The following ZNF609 variants were observed in gnomAD, a reference collection of about 807,000 sequenced individuals.
ZNF609 encodes zinc finger protein 609.
Under a neutral mutation model 109.5 loss-of-function variants are expected in ZNF609, and 11 were observed. The ratio of observed to expected loss-of-function variants is 0.10; its 90% CI spans 0.06 to 0.17. ZNF609 has a LOEUF of 0.17. Ranked by LOEUF, ZNF609 falls within the 10% of genes least tolerant of loss-of-function variation. ZNF609 has a pLI of 1.00. For synonymous variants in ZNF609, 646 were observed against 662.0 expected, an observed-to-expected ratio of 0.98 and a Z score of 0.37; for missense variants, 1,559 against 1,772.4, an observed-to-expected ratio of 0.88 and a Z score of 2.16.
intron 2 of ZNF609, among the ~76,000 whole-genome samples, chr15:64,567,120 A>G (rs1894788338): frequency 6.6e-6 from 1 of 152,202 alleles, no homozygotes; most frequent in African/African-American, 2.4e-5. Flanking sequence ...CAGACTTTAA[A>G]TACTTTAAAA....
intron 3 of ZNF609, among the ~76,000 whole-genome samples, chr15:64,659,516 A>C (rs183462093): frequency 3.0e-4 from 46 of 152,342 alleles, no homozygotes; most frequent in Non-Finnish European, 4.4e-4. Context: ...AGACTACTGC[A>C]GAAGGCAGAC....
At chr15:64,634,693 G>A (rs1896145906) in intron 3 of ZNF609, among the ~76,000 whole-genome samples, 1 of 152,132 alleles carries the variant, frequency 6.6e-6, no homozygotes, top group African/African-American at 2.4e-5. Context: ...TAACAACCAA[G>A]CTTTCTCCAC....
Position 64,683,294 on chromosome 15 carries a change from C to T in ZNF609, c.*1608C>T, listed in dbSNP as rs1192235895. 6.6e-6 allele frequency: 1 copy of T among 152,616 alleles called. No homozygotes were observed. The highest frequency in any genetic ancestry group is 2.4e-5 in the African/African-American group (1 of 41,430). 9.5% of individuals were successfully genotyped at this position (152,616 alleles called of 1,614,324 possible). ...TGCCAAAAGTGACTAGGAGCAGGAA[C>T]TTGGCTCCGACTCAGTTTGGAAAAT... On this transcript the variant is annotated 3_prime_UTR_variant, in exon 10 of 10. Transcript: ENST00000326648.
At chr15:64,586,770 A>G (rs1025790199) in intron 2 of ZNF609, among the ~76,000 whole-genome samples, 1 of 152,324 alleles carries the variant, frequency 6.6e-6, no homozygotes, top group Admixed American at 6.5e-5. Context: ...CAGTATTGGA[A>G]CAGAGTTAAA....
intron 2 of ZNF609, among the ~76,000 whole-genome samples, chr15:64,615,744 C>T (rs764674717): frequency 2.6e-5 from 4 of 152,308 alleles, no homozygotes; most frequent in East Asian, 1.9e-4. Context: ...GCCTCGGCCT[C>T]TTAAAGTGCT....
At chr15:64,576,891 A>T (rs1289373357) in intron 2 of ZNF609, among the ~76,000 whole-genome samples, 2 of 140,980 alleles carry the variant, frequency 1.4e-5, no homozygotes, top group East Asian at 2.0e-4. Flanking sequence ...TACACATATA[A>T]ATATATACAT....
intron 2 of ZNF609, among the ~76,000 whole-genome samples, chr15:64,617,278 TC>T (rs1280123172): frequency 2.0e-5 from 3 of 149,850 alleles, no homozygotes; most frequent in African/African-American, 7.4e-5. Flanking sequence ...CATTTCAGCC[TC>T]CCAAAGTGCT....
At chr15:64,546,749 CAGGCATG>C (rs1894369132) in intron 2 of ZNF609, among the ~76,000 whole-genome samples, 1 of 151,130 alleles carries the variant, frequency 6.6e-6, no homozygotes, top group African/African-American at 2.4e-5. Flanking sequence ...GCTGGGATTA[CAGGCATG>C]AGCCACAACA....
intron 3 of ZNF609, among the ~76,000 whole-genome samples, chr15:64,627,663 CTT>C (rs35293725): frequency 3.5e-5 from 3 of 86,014 alleles, no homozygotes; most frequent in East Asian, 7.9e-4. Flanking sequence ...TTTTTTCTTT[CTT>C]TTTTTTTTTT....
At chr15:64,561,456 C>G (rs1352119194) in intron 2 of ZNF609, among the ~76,000 whole-genome samples, 3 of 93,058 alleles carry the variant, frequency 3.2e-5, no homozygotes, top group Non-Finnish European at 5.7e-5. Flanking sequence ...GATTTGATTA[C>G]TCTTAAGACC....
rs553228025 is a variant in ZNF609 at position 64,643,341 on chromosome 15, G to C, written c.973+20289G>C. 2.2e-4 allele frequency among the ~76,000 whole-genome samples: 34 copies of C among 152,252 alleles called. No homozygotes were observed. The South Asian group carries it at 3.7e-3, about 17-fold the overall frequency. On this transcript the variant is annotated intron_variant, in intron 3 of 9. Transcript: ENST00000326648. ...GTTTCTCCACCTCAACCTCTAAAGA[G>C]AACTAGAAAACTGGAGTGGGAAAAC...
chr15:64,656,295 C>G (rs890737108), intron 3 of ZNF609, among the ~76,000 whole-genome samples: 3 of 152,184 alleles, frequency 2.0e-5, no homozygotes, highest in African/African-American at 7.2e-5. Flanking sequence ...AACTCCTGAC[C>G]TCAAGTGATC....
At chr15:64,606,887 T>C (rs981275690) in intron 2 of ZNF609, among the ~76,000 whole-genome samples, 8 of 152,158 alleles carry the variant, frequency 5.3e-5, no homozygotes, top group Admixed American at 6.5e-5. Flanking sequence ...CTCATGCCTG[T>C]AATCCCAGCA....
At chr15:64,537,552 AAAAAAAG>A (rs928372389) in intron 2 of ZNF609, among the ~76,000 whole-genome samples, 4 of 151,914 alleles carry the variant, frequency 2.6e-5, no homozygotes, top group African/African-American at 4.8e-5. Flanking sequence ...GACTCCATCA[AAAAAAAG>A]AAAAAAGAAA....
chr15:64,576,041 G>T (rs906126327), intron 2 of ZNF609, among the ~76,000 whole-genome samples: 1 of 152,206 alleles, frequency 6.6e-6, no homozygotes, highest in Non-Finnish European at 1.5e-5. Context: ...GGCGGAGCTT[G>T]CAGTGAGCCG....
intron 7 of ZNF609, 96 bp downstream of exon 7, chr15:64,680,456 A>G (rs750851683): frequency 6.7e-7 from 1 of 1,484,408 alleles, no homozygotes; most frequent in Admixed American, 1.9e-5. Flanking sequence ...TCCTGACCAC[A>G]GTGCAGCTTG....
At position 64,685,220 on chromosome 15, in the gene ZNF609, C is replaced by T. The variant is rs956031589; in HGVS notation, c.*3534C>T. 6 of 151,806 alleles carry T rather than the reference C, an allele frequency of 4.0e-5. No individual in the cohort carries two copies. The highest frequency in any genetic ancestry group is 1.2e-4 in the African/African-American group (5 of 41,218). The allele number at this position is 151,806 out of a possible 1,614,324, so 9.4% of individuals were successfully genotyped here. ...AAACTGTACTCTTTTTGCCTTTGTA[C>T]ATTCAGGCAAGAAGAGAAAATAAAT... On this transcript the variant is annotated 3_prime_UTR_variant, in exon 10 of 10. Coordinates refer to ENST00000326648, the MANE Select transcript of ZNF609 (RefSeq NM_015042.2).
chr15:64,681,154 A>G (rs1197017372), intron 8 of ZNF609, among the ~76,000 whole-genome samples, 155 bp from the exon 9 acceptor site: 1 of 152,156 alleles, frequency 6.6e-6, no homozygotes, highest in Admixed American at 6.5e-5. Context: ...AAGAGAAACA[A>G]TCAGCTGAGA....
chr15:64,468,264 T>C (rs1396207675), intron 1 of ZNF609, among the ~76,000 whole-genome samples: 3 of 150,520 alleles, frequency 2.0e-5, no homozygotes, highest in African/African-American at 7.4e-5. Context: ...CTTTCCTTTC[T>C]TTTCTTTTCT....
Sources: allele counts gnomAD v4.1 joint callset (sites outside exome capture counted in the v4.1 genomes callset), GRCh38; gene constraint gnomAD v4.1.1; transcripts MANE v1.5; gene names NCBI Gene and HGNC (gene_info 2026-07-23, HGNC 2026-07-21).